Variants in APPL2 observed in about 807,000 individuals in gnomAD.
APPL2 encodes DCC-interacting protein 13-beta.
APPL2 carries 84 observed loss-of-function variants against 92.7 expected under a neutral mutation model. The ratio of observed to expected loss-of-function variants is 0.91; its 90% CI spans 0.76 to 1.09. The LOEUF (loss-of-function observed/expected upper bound fraction) is 1.09, where lower values mean the gene tolerates loss of function less well. Among genes scored for constraint, APPL2 ranks in the 50% least tolerant of loss-of-function variants. The pLI, the probability that APPL2 is intolerant of heterozygous loss-of-function variation, is 0.00. For missense variants in APPL2, 736 were observed against 824.5 expected (o/e 0.89, Z 1.31); for synonymous variants, 291 against 291.0 (o/e 1.00, Z 0.00).
chr12:105,235,316 G>C (rs573494274), intron 1 of APPL2: 10 of 152,302 alleles, frequency 6.6e-5, no homozygotes, highest in African/African-American at 2.4e-4. Flanking sequence ...CTCTCATCTC[G>C]AGTGTGCTAA....
chr12:105,187,428 T>C (rs1163200079), intron 17 of APPL2, among the ~76,000 whole-genome samples: 1 of 152,206 alleles, frequency 6.6e-6, no homozygotes, highest in East Asian at 1.9e-4. Context: ...GTTACTTTCA[T>C]TTTACAGCTG....
At chr12:105,190,377 A>T (rs1431530486) in intron 14 of APPL2, among the ~76,000 whole-genome samples, 2 of 152,186 alleles carry the variant, frequency 1.3e-5, no homozygotes, top group African/African-American at 4.8e-5. Context: ...GCTGCACAGC[A>T]TCCTGCACTG....
intron 17 of APPL2, among the ~76,000 whole-genome samples, chr12:105,186,817 T>A (rs529608593): frequency 1.4e-3 from 218 of 151,370 alleles, no homozygotes; most frequent in African/African-American, 5.0e-3. Context: ...TCATTGTGGA[T>A]TTGTTTTGCA....
In APPL2 at chr12:105,188,432, T is replaced by C; in HGVS notation, c.1475A>G (p.Gln492Arg). 1 of 1,614,088 alleles carries C rather than the reference T, an allele frequency of 6.2e-7. No homozygotes were observed. Among genetic ancestry groups the C allele is most frequent in the Non-Finnish European group, 8.5e-7 (1 of 1,179,984 alleles). Reference sequence around the variant, plus strand: ...TCCCAAAAACCGAACTATAAACATCTGCTGCAAAAGAGAATCTGGAAGACA... The same window carrying C: ...TCCCAAAAACCGAACTATAAACATCCGCTGCAAAAGAGAATCTGGAAGACA... Reference protein sequence around the residue: ...FPEAEDSLLQQMFIVRFLGSM... With the variant: ...FPEAEDSLLQRMFIVRFLGSM... Residue 492 changes from glutamine to arginine, a missense_variant, in exon 17 of 21, where the codon CAG becomes CGG. Transcript: ENST00000258530.
chr12:105,177,483 G>C (rs1885667168), intron 17 of APPL2: 1 of 563,186 alleles, frequency 1.8e-6, no homozygotes, highest in East Asian at 3.0e-5. Flanking sequence ...AGATTATATA[G>C]CAAGTAGAAG....
intron 9 of APPL2, among the ~76,000 whole-genome samples, chr12:105,201,052 G>A (rs1335253645): frequency 2.0e-5 from 3 of 152,096 alleles, no homozygotes; most frequent in Non-Finnish European, 4.4e-5. Context: ...GGGATTACAG[G>A]CATGCACCAC....
chr12:105,174,297 C>T lies in APPL2; in HGVS notation c.*17G>A. The T allele has an allele frequency of 6.2e-7, 1 of 1,612,488 alleles. No individual in the cohort carries two copies. Among genetic ancestry groups the T allele is most frequent in the Non-Finnish European group, 8.5e-7 (1 of 1,179,254 alleles). ...GCTCTCCTTCCTGTTTGCTCTTCCC[C>T]CACAGGCGCAAGTGAGTTATGCTTC... On this transcript the variant is annotated 3_prime_UTR_variant, in exon 21 of 21. Transcript: ENST00000258530.
intron 1 of APPL2, among the ~76,000 whole-genome samples, chr12:105,232,393 T>C (rs1366111677): frequency 6.6e-6 from 1 of 152,216 alleles, no homozygotes; most frequent in African/African-American, 2.4e-5. Context: ...AAGAATAGTG[T>C]GTGTAATTGT....
At chr12:105,178,814 A>G (rs945934235) in intron 17 of APPL2, among the ~76,000 whole-genome samples, 2 of 152,190 alleles carry the variant, frequency 1.3e-5, no homozygotes, top group African/African-American at 4.8e-5. Flanking sequence ...TTACGTCCCT[A>G]TTAATGGGCA....
rs1885594064 is a variant in APPL2 at position 105,176,880 on chromosome 12, T to C, written c.1808A>G (p.Glu603Gly). 6.2e-7 allele frequency: 1 copy of C among 1,613,720 alleles called. No individual in the cohort carries two copies. The highest frequency in any genetic ancestry group is 1.3e-5 in the African/African-American group (1 of 74,898). The change falls in exon 19 of 21, where the codon GAA (glutamate) becomes GGA (glycine). Residue 603 changes from glutamate (E) to glycine (G), a missense_variant. Coordinates refer to ENST00000258530, the MANE Select transcript of APPL2 (RefSeq NM_018171.5). Reference protein sequence around the residue: ...TYIFESNSEGEKICYAINLGK... With the variant: ...TYIFESNSEGGKICYAINLGK... ...ATCTTCACATGAAAAAGAGACCTTT[T>C]CGCCTTCTGAGTTGCTTTCAAAAAT...
At chr12:105,193,818 A>C (rs914623232) in intron 14 of APPL2, among the ~76,000 whole-genome samples, 1 of 151,996 alleles carries the variant, frequency 6.6e-6, no homozygotes, top group African/African-American at 2.4e-5. Context: ...TCTTCCCACA[A>C]CCTGTATCCT....
At chr12:105,210,000 G>A (rs576272803) in intron 5 of APPL2, among the ~76,000 whole-genome samples, 4 of 151,428 alleles carry the variant, frequency 2.6e-5, no homozygotes, top group Non-Finnish European at 5.9e-5. Context: ...TCGCTCTGTC[G>A]CCTGGGCTGA....
chr12:105,190,267 C>T, intron 14 of APPL2, 112 bp from the exon 15 acceptor site: 1 of 1,158,368 alleles, frequency 8.6e-7, no homozygotes, highest in Non-Finnish European at 1.2e-6. Flanking sequence ...AAAGATTGAC[C>T]TCAATCCCTT....
chr12:105,186,703 TC>T (rs1348794683), intron 17 of APPL2, among the ~76,000 whole-genome samples: 27 of 124,792 alleles, frequency 2.2e-4, no homozygotes, highest in Middle Eastern at 4.5e-3. Flanking sequence ...ATATATCATA[TC>T]ATATATCATA....
At position 105,207,160 on chromosome 12, in the gene APPL2, C is replaced by G; in HGVS notation, c.522G>C (p.Gln174His). ...GKEVAAARRKQHLSSLQYYCA... is the reference protein window; with the variant it reads ...GKEVAAARRKHHLSSLQYYCA... The stretch of plus-strand genomic sequence containing the variant: ...AGTAGTACTGAAGGGAGGAGAGGTG[C>G]TGCTTCCGCCGGGCCGCGGCCACCT... The change falls in exon 8 of 21, where the codon CAG becomes CAC. Residue 174 changes from glutamine to histidine, a missense_variant. By Grantham distance (24) the Gln-to-His change is conservative. Coordinates refer to ENST00000258530, the MANE Select transcript of APPL2 (RefSeq NM_018171.5). 6.2e-7 allele frequency: 1 copy of G among 1,614,100 alleles called. No homozygotes were observed. Among genetic ancestry groups the G allele is most frequent in the African/African-American group, 1.3e-5 (1 of 75,052 alleles).
intron 17 of APPL2, chr12:105,177,521 AC>A (rs946910022): frequency 2.2e-5 from 11 of 505,420 alleles, no homozygotes; most frequent in African/African-American, 2.1e-4. Context: ...TCTGCAACTT[AC>A]CCAAACAGAC....
intron 2 of APPL2, among the ~76,000 whole-genome samples, chr12:105,218,192 C>T (rs923551268): frequency 6.6e-6 from 1 of 152,186 alleles, no homozygotes; most frequent in Non-Finnish European, 1.5e-5. Flanking sequence ...TATGTGTGTG[C>T]CTGTCAAATA....
At chr12:105,231,084 T>C (rs1474089451) in intron 1 of APPL2, among the ~76,000 whole-genome samples, 7 of 152,234 alleles carry the variant, frequency 4.6e-5, no homozygotes, top group African/African-American at 7.2e-5. Context: ...ATTCCATTTA[T>C]AAACAAAAAT....
chr12:105,186,722 T>TCATATC (rs376551328), intron 17 of APPL2, among the ~76,000 whole-genome samples: 1 of 84,292 alleles, frequency 1.2e-5, no homozygotes, highest in African/African-American at 4.6e-5. Flanking sequence ...ATATCATATA[T>TCATATC]ATATCATATA....
Sources: gnomAD v4.1 joint callset for allele counts (sites outside exome capture counted in the v4.1 genomes callset) on GRCh38, gnomAD v4.1.1 for gene constraint, MANE v1.5 for transcripts, NCBI Gene and HGNC (gene_info 2026-07-23, HGNC 2026-07-21) for gene names.